Variants in WDR72 observed in about 807,000 individuals in gnomAD.
WDR72 encodes WD repeat-containing protein 72.
A neutral mutation model predicts 124.2 loss-of-function variants in WDR72; 120 were observed. The ratio of observed to expected loss-of-function variants is 0.97; its 90% CI spans 0.83 to 1.12. The LOEUF is 1.12. Among genes scored for constraint, WDR72 ranks in the 50% most tolerant of loss-of-function variants. WDR72 has a pLI of 0.00. For missense variants in WDR72, 1,387 were observed against 1,278.8 expected (o/e 1.08, Z -1.29); for synonymous variants, 452 against 441.7 (o/e 1.02, Z -0.29).
intron 18 of WDR72, among the ~76,000 whole-genome samples, chr15:53,574,869 G>A (rs1192688745): frequency 6.6e-6 from 1 of 151,890 alleles, no homozygotes; most frequent in African/African-American, 2.4e-5. Context: ...TAGGAGGAGT[G>A]TACACAGGTA....
intron 18 of WDR72, among the ~76,000 whole-genome samples, chr15:53,593,070 T>C (rs1287539653): frequency 6.6e-6 from 1 of 152,090 alleles, no homozygotes; most frequent in Non-Finnish European, 1.5e-5. Context: ...TAAATATACA[T>C]TATGCCTTAA....
In WDR72 at chr15:53,517,665, T is replaced by G; in HGVS notation, c.*34A>C. On this transcript the variant is annotated 3_prime_UTR_variant, in exon 20 of 20. Coordinates refer to ENST00000360509, the MANE Select transcript of WDR72 (RefSeq NM_182758.4). ...ATGGCATCTTTTGGATTTCTTAATT[T>G]GTCCAAATTCAGCTCCTACTGATGA... is the stretch of plus-strand genomic sequence containing the variant. The G allele has an allele frequency of 6.2e-7, 1 of 1,608,850 alleles. No homozygotes were observed. The highest frequency in any genetic ancestry group is 1.7e-4 in the Middle Eastern group (1 of 6,044).
chr15:53,584,627 C>T (rs1290211005), intron 18 of WDR72, among the ~76,000 whole-genome samples: 1 of 152,030 alleles, frequency 6.6e-6, no homozygotes, highest in African/African-American at 2.4e-5. Context: ...TTCTGCTTTG[C>T]ACTGAAAGTG....
intron 13 of WDR72, among the ~76,000 whole-genome samples, chr15:53,690,586 G>A (rs1050638192): frequency 1.3e-5 from 2 of 152,064 alleles, no homozygotes; most frequent in South Asian, 4.2e-4. Flanking sequence ...ATGTTTTCAA[G>A]GTTCATTCAA....
intron 14 of WDR72, among the ~76,000 whole-genome samples, chr15:53,623,876 T>C (rs181382252): frequency 6.6e-6 from 1 of 152,330 alleles, no homozygotes; most frequent in Admixed American, 6.5e-5. Flanking sequence ...ATCATAGCCA[T>C]CCTGACTGGC....
intron 18 of WDR72, among the ~76,000 whole-genome samples, chr15:53,585,510 C>G (rs916092779): frequency 1.3e-5 from 2 of 151,962 alleles, no homozygotes; most frequent in African/African-American, 4.8e-5. Flanking sequence ...TATAATTGCG[C>G]TATTGGGTAC....
intron 18 of WDR72, among the ~76,000 whole-genome samples, chr15:53,530,830 CAGT>C (rs1892417375): frequency 6.6e-6 from 1 of 152,038 alleles, no homozygotes; most frequent in South Asian, 2.1e-4. Context: ...CCTCTTGAAT[CAGT>C]AGGAGAAAAA....
intron 17 of WDR72, among the ~76,000 whole-genome samples, chr15:53,605,765 G>C (rs1360887210): frequency 9.2e-5 from 14 of 152,154 alleles, no homozygotes; most frequent in Admixed American, 3.3e-4. Context: ...TGAGGCAGAA[G>C]CGTCGCTTGA....
rs1296736364 is a variant in WDR72, at chr15:53,616,157, T to C, written c.2049A>G (p.Leu683=). 4.4e-6 allele frequency: 7 copies of C among 1,606,450 alleles called. No individual in the cohort carries two copies. Among genetic ancestry groups the C allele is most frequent in the African/African-American group, 1.3e-5 (1 of 74,396 alleles). ...KWSNVGFHIL[L]FDLENLVELL... is the part of the protein sequence containing the mutation. ...GTTCAACAAGGTTTTCCAGATCAAA[T>C]AGAAGAATATGAAAGCCAACGTTAC... The change falls in exon 15 of 20, where the codon CTA becomes CTG. Residue 683 remains leucine, a synonymous_variant. Coordinates refer to ENST00000360509, the MANE Select transcript of WDR72 (RefSeq NM_182758.4).
intron 9 of WDR72, 132 bp from the exon 10 acceptor site, chr15:53,706,206 T>G (rs1215122480): frequency 9.2e-7 from 1 of 1,088,466 alleles, no homozygotes; most frequent in Non-Finnish European, 1.3e-6. Context: ...TTTGACATTT[T>G]CAAGTAAATT....
chr15:53,736,612 A>C (rs981626104), intron 1 of WDR72, among the ~76,000 whole-genome samples: 2 of 152,178 alleles, frequency 1.3e-5, no homozygotes, highest in African/African-American at 4.8e-5. Flanking sequence ...ATAGGAAGGC[A>C]TGCACACTGA....
At chr15:53,623,569 C>G (rs62005941) in intron 14 of WDR72, among the ~76,000 whole-genome samples, 31,874 of 151,818 alleles carry the variant, frequency 0.21, 3,745 homozygotes, top group East Asian at 0.46. Context: ...TGATGCGCAC[C>G]TAGGTTGATT....
At chr15:53,734,406 T>C (rs539982665) in intron 1 of WDR72, among the ~76,000 whole-genome samples, 2 of 152,308 alleles carry the variant, frequency 1.3e-5, no homozygotes, top group East Asian at 3.9e-4. Flanking sequence ...ATTATACATA[T>C]TAATCATACT....
intron 18 of WDR72, among the ~76,000 whole-genome samples, chr15:53,535,593 A>G (rs1442475271): frequency 1.3e-5 from 2 of 152,138 alleles, no homozygotes; most frequent in Non-Finnish European, 2.9e-5. Flanking sequence ...CCTGGGAGGA[A>G]CCAGTTATTT....
rs746271301 is a variant in WDR72, at chr15:53,615,531, C to A, written c.2675G>T (p.Cys892Phe). Reference sequence around the variant, plus strand: ...AGTATCTGACTCTCGCAAAGAATCACAATTATTTTCCAATCCTCTTGGAAT... The same window carrying A: ...AGTATCTGACTCTCGCAAAGAATCAAAATTATTTTCCAATCCTCTTGGAAT... Reference protein sequence around the residue: ...VGIPRGLENNCDSLRESDTIV... With the variant: ...VGIPRGLENNFDSLRESDTIV... The change falls in exon 15 of 20, where the codon TGT (cysteine) becomes TTT (phenylalanine). Residue 892 changes from cysteine to phenylalanine, a missense_variant. Physicochemically the swap from Cys to Phe is radical, Grantham distance 205. Coordinates refer to ENST00000360509, the MANE Select transcript of WDR72 (RefSeq NM_182758.4). 17 of 1,612,914 alleles carry A rather than the reference C, an allele frequency of 1.1e-5. No individual in the cohort carries two copies. Among genetic ancestry groups the A allele is most frequent in the Non-Finnish European group, 1.4e-5 (16 of 1,179,412 alleles).
At chr15:53,639,380 C>G (rs2014746326) in intron 14 of WDR72, among the ~76,000 whole-genome samples, 2 of 151,464 alleles carry the variant, frequency 1.3e-5, no homozygotes, top group Admixed American at 1.3e-4. Context: ...CCTGTAATTC[C>G]AGCATTCTGG....
intron 18 of WDR72, among the ~76,000 whole-genome samples, chr15:53,572,792 T>A (rs530913913): frequency 6.6e-6 from 1 of 152,306 alleles, no homozygotes; most frequent in East Asian, 1.9e-4. Flanking sequence ...CATGTTGTGC[T>A]CCAGTTACTG....
At chr15:53,693,614 A>T (rs1291184638) in intron 13 of WDR72, among the ~76,000 whole-genome samples, 1 of 152,222 alleles carries the variant, frequency 6.6e-6, no homozygotes, top group African/African-American at 2.4e-5. Context: ...TGGAAGAACA[A>T]GTGCTCCACT....
chr15:53,551,781 G>T (rs969976668), intron 18 of WDR72, among the ~76,000 whole-genome samples: 2 of 151,972 alleles, frequency 1.3e-5, no homozygotes, highest in Non-Finnish European at 2.9e-5. Context: ...CCCAATAAAA[G>T]GTATCAATGA....
Sources: gnomAD v4.1 joint callset for allele counts (sites outside exome capture counted in the v4.1 genomes callset) on GRCh38, gnomAD v4.1.1 for gene constraint, MANE v1.5 for transcripts, NCBI Gene and HGNC (gene_info 2026-07-23, HGNC 2026-07-21) for gene names.